PCDH15: variants seen among roughly 807,000 people sequenced by gnomAD.
PCDH15 encodes protocadherin related 15.
A neutral mutation model predicts 178.5 loss-of-function variants in PCDH15; 129 were observed. The observed-to-expected ratio is 0.72, with a 90% confidence interval of 0.63 to 0.84. PCDH15 has a LOEUF of 0.84. Among genes scored for constraint, PCDH15 ranks in the 40% least tolerant of loss-of-function variants. The pLI is 0.00. For synonymous variants in PCDH15, 800 were observed against 732.0 expected, an observed-to-expected ratio of 1.09 and a Z score of -1.50; for missense variants, 2,230 against 2,099.9, an observed-to-expected ratio of 1.06 and a Z score of -1.21.
intron 2 of PCDH15, among the ~76,000 whole-genome samples, chr10:54,920,094 C>T (rs1837446047): frequency 1.3e-5 from 2 of 152,228 alleles, no homozygotes; most frequent in East Asian, 1.9e-4. Context: ...GAATAATTTA[C>T]GTATCCATAC....
intron 20 of PCDH15, among the ~76,000 whole-genome samples, chr10:54,009,395 G>A (rs762807520): frequency 3.3e-5 from 5 of 151,704 alleles, no homozygotes; most frequent in South Asian, 4.2e-4. Flanking sequence ...AGGAGCTTAC[G>A]ATCTCCATTC....
intron 13 of PCDH15, among the ~76,000 whole-genome samples, chr10:54,175,240 C>A (rs1297121302): frequency 6.6e-6 from 1 of 152,032 alleles, no homozygotes; most frequent in Non-Finnish European, 1.5e-5. Context: ...TCGTCTATGG[C>A]CATACCACTC....
At chr10:54,988,464 T>C (rs992026688) in intron 2 of PCDH15, among the ~76,000 whole-genome samples, 5 of 152,156 alleles carry the variant, frequency 3.3e-5, no homozygotes, top group Non-Finnish European at 7.3e-5. Flanking sequence ...TTAAATGGCT[T>C]TGGCCAAAAG....
intron 3 of PCDH15, among the ~76,000 whole-genome samples, chr10:54,436,026 G>A (rs2075369628): frequency 2.8e-4 from 30 of 107,366 alleles, no homozygotes; most frequent in African/African-American, 1.3e-3. Flanking sequence ...GGAGAGGAGA[G>A]GAGAGGAGAG....
At chr10:54,335,347 A>G (rs880299) in intron 6 of PCDH15, among the ~76,000 whole-genome samples, 110,657 of 152,116 alleles carry the variant, frequency 0.73, 41,228 homozygotes, top group African/African-American at 0.82. Flanking sequence ...GCCATGCCTG[A>G]GTGACAAAGT....
intron 3 of PCDH15, among the ~76,000 whole-genome samples, chr10:54,380,896 A>G (rs1215194500): frequency 6.6e-6 from 1 of 151,116 alleles, no homozygotes; most frequent in Non-Finnish European, 1.5e-5. Context: ...ATTTTATTTA[A>G]AGATTCTAAC....
intron 3 of PCDH15, among the ~76,000 whole-genome samples, chr10:54,389,436 G>A (rs1450769768): frequency 1.3e-5 from 2 of 152,190 alleles, no homozygotes; most frequent in African/African-American, 4.8e-5. Flanking sequence ...TAGATATAGA[G>A]TAGGAGGGTA....
chr10:54,945,364 T>TATAGATAG lies in PCDH15; in HGVS notation c.-79-47872_-79-47865dup, dbSNP rs59385596. ...TAGATAGATAGATGATAGATAGATA[T>TATAGATAG]ATAGATAGATAGATAGATAGATAGA... On this transcript the variant is annotated intron_variant, in intron 2 of 5. Coordinates refer to the PCDH15 transcript ENST00000458638. Among the ~76,000 whole-genome samples the TATAGATAG allele has an allele frequency of 7.2e-4, 105 of 146,146 alleles. 2 individuals carry two copies. Among genetic ancestry groups the TATAGATAG allele is most frequent in the East Asian group, 3.8e-3 (19 of 4,942 alleles).
intron 1 of PCDH15, among the ~76,000 whole-genome samples, chr10:55,267,636 TCA>T (rs1554847504): frequency 1.3e-5 from 2 of 152,342 alleles, no homozygotes; most frequent in Non-Finnish European, 2.9e-5. Flanking sequence ...ATGTCCCTTT[TCA>T]TATTTATTCA....
At chr10:54,940,436 T>G (rs1838032451) in intron 2 of PCDH15, among the ~76,000 whole-genome samples, 2 of 152,296 alleles carry the variant, frequency 1.3e-5, no homozygotes, top group South Asian at 2.1e-4. Context: ...GAGGCTAGTT[T>G]TATGGCCTAC....
intron 2 of PCDH15, among the ~76,000 whole-genome samples, chr10:55,015,578 A>C (rs1840154187): frequency 6.6e-6 from 1 of 152,174 alleles, no homozygotes; most frequent in African/African-American, 2.4e-5. Flanking sequence ...GTCAACCGTT[A>C]CTGACAAAGA....
chr10:54,631,011 T>C (rs1256098861), intron 2 of PCDH15, among the ~76,000 whole-genome samples: 1 of 152,104 alleles, frequency 6.6e-6, no homozygotes, highest in Non-Finnish European at 1.5e-5. Flanking sequence ...ATAACAGATG[T>C]TGATGATATA....
At chr10:54,436,744 A>C (rs2488048) in intron 3 of PCDH15, among the ~76,000 whole-genome samples, 1 of 152,230 alleles carries the variant, frequency 6.6e-6, no homozygotes, top group Non-Finnish European at 1.5e-5. Flanking sequence ...GAATTTATTA[A>C]GTACCTACTA....
Position 55,379,134 on chromosome 10 carries a change from C to T in PCDH15, c.-155-212483G>A, listed in dbSNP as rs372923743. ...TATATATATATATATGTATGTATGG[C>T]GCCTATTAATTTTTTTTGGGAAAAC... On this transcript the variant is annotated intron_variant, in intron 2 of 5. Coordinates refer to the PCDH15 transcript ENST00000613346. 1.2e-4 allele frequency among the ~76,000 whole-genome samples: 18 copies of T among 150,828 alleles called. 1 individual carries two copies. Among genetic ancestry groups the T allele is most frequent in the Admixed American group, 2.6e-4 (4 of 15,146 alleles).
At chr10:54,752,333 C>A (rs552172426) in intron 1 of PCDH15, among the ~76,000 whole-genome samples, 34 of 151,610 alleles carry the variant, frequency 2.2e-4, no homozygotes, top group African/African-American at 7.7e-4. Context: ...AAAAATTAGC[C>A]GGGCGTGGTG....
intron 2 of PCDH15, among the ~76,000 whole-genome samples, chr10:55,067,762 G>C (rs192093985): frequency 3.8e-4 from 57 of 150,916 alleles, no homozygotes; most frequent in African/African-American, 1.1e-3. Flanking sequence ...GTTACTTTCT[G>C]TCTTTTTAAT....
At chr10:55,279,031 G>T (rs1366496430) in intron 1 of PCDH15, among the ~76,000 whole-genome samples, 1 of 152,168 alleles carries the variant, frequency 6.6e-6, no homozygotes, top group Non-Finnish European at 1.5e-5. Flanking sequence ...TGGGCAATAG[G>T]TGTGGATTCA....
chr10:54,146,142 C>G (rs974087038), intron 14 of PCDH15, among the ~76,000 whole-genome samples: 1 of 151,932 alleles, frequency 6.6e-6, no homozygotes, highest in Non-Finnish European at 1.5e-5. Context: ...ATAGCCTCAT[C>G]ATTTTTTACT....
intron 2 of PCDH15, among the ~76,000 whole-genome samples, chr10:55,053,137 A>T (rs1841207694): frequency 6.6e-6 from 1 of 152,196 alleles, no homozygotes; most frequent in Non-Finnish European, 1.5e-5. Flanking sequence ...AACCTTCCAA[A>T]GTCTATAACC....
Sources: gnomAD v4.1 joint callset for allele counts (sites outside exome capture counted in the v4.1 genomes callset) on GRCh38, gnomAD v4.1.1 for gene constraint, MANE v1.5 for transcripts, NCBI Gene and HGNC (gene_info 2026-07-23, HGNC 2026-07-21) for gene names.